Variants in KIF16B observed in about 807,000 individuals in gnomAD.
KIF16B encodes the protein kinesin family member 16B.
Under a neutral mutation model 156.3 loss-of-function variants are expected in KIF16B, and 98 were observed. The observed-to-expected ratio is 0.63, with a 90% CI of 0.53 to 0.74. The LOEUF (loss-of-function observed/expected upper bound fraction) is 0.74. KIF16B is among the 30% of genes least tolerant of loss of function. KIF16B has a pLI of 0.00. For missense variants in KIF16B, 1,421 were observed against 1,606.5 expected (o/e 0.88, Z 1.97); for synonymous variants, 564 against 583.7 (o/e 0.97, Z 0.49).
chr20:16,350,927 G>C (rs2064327574), intron 23 of KIF16B, among the ~76,000 whole-genome samples: 1 of 151,866 alleles, frequency 6.6e-6, no homozygotes, highest in African/African-American at 2.4e-5. Context: ...ACTGACAAGG[G>C]CCCTGGGAGC....
intron 15 of KIF16B, among the ~76,000 whole-genome samples, chr20:16,421,383 C>G (rs1390452676): frequency 6.6e-6 from 1 of 152,104 alleles, no homozygotes; most frequent in Non-Finnish European, 1.5e-5. Flanking sequence ...CCTGATATAA[C>G]CCCCTCCTTC....
chr20:16,367,424 C>T (rs1192202011), intron 22 of KIF16B: 2 of 1,612,806 alleles, frequency 1.2e-6, no homozygotes, highest in Non-Finnish European at 1.7e-6. Flanking sequence ...CATTTGATCA[C>T]ATCAAATTGT....
intron 10 of KIF16B, among the ~76,000 whole-genome samples, chr20:16,500,365 C>T (rs2068583955): frequency 6.6e-6 from 1 of 152,108 alleles, no homozygotes; most frequent in African/African-American, 2.4e-5. Flanking sequence ...TTCAATGAAC[C>T]TCCTTTCCTA....
chr20:16,530,619 C>T (rs4814506), intron 1 of KIF16B, among the ~76,000 whole-genome samples: 51,816 of 152,062 alleles, frequency 0.34, 8,926 homozygotes, highest in Non-Finnish European at 0.34. Flanking sequence ...AGGGGAGAGC[C>T]GGAGTCAGAG....
intron 15 of KIF16B, among the ~76,000 whole-genome samples, chr20:16,408,287 A>G (rs2065836196): frequency 1.3e-5 from 2 of 152,172 alleles, no homozygotes; most frequent in Non-Finnish European, 2.9e-5. Flanking sequence ...ACAGTTTAGG[A>G]GCCCTAGTGG....
chr20:16,389,978 C>T (rs954397020), intron 17 of KIF16B, among the ~76,000 whole-genome samples: 4 of 152,166 alleles, frequency 2.6e-5, no homozygotes, highest in Non-Finnish European at 4.4e-5. Flanking sequence ...AAATCATTGT[C>T]AGGGTATCCC....
intron 18 of KIF16B, among the ~76,000 whole-genome samples, 173 bp downstream of exon 18, chr20:16,381,521 T>C (rs2065094646): frequency 7.5e-6 from 1 of 132,798 alleles, no homozygotes; most frequent in Non-Finnish European, 1.6e-5. Context: ...AGAAAAACCA[T>C]CTACTCCAAA....
At chr20:16,546,295 A>AT (rs2070403326) in intron 1 of KIF16B, among the ~76,000 whole-genome samples, 1 of 152,200 alleles carries the variant, frequency 6.6e-6, no homozygotes, top group East Asian at 1.9e-4. Flanking sequence ...CTGATGTACA[A>AT]TTTTTTGCTG....
At chr20:16,497,747 T>C (rs1421180202) in intron 10 of KIF16B, 69 bp from the exon 11 acceptor site, 5 of 1,158,910 alleles carry the variant, frequency 4.3e-6, no homozygotes, top group East Asian at 4.7e-5. Flanking sequence ...TCCCTGAATA[T>C]AGTAAATTAT....
intron 12 of KIF16B, among the ~76,000 whole-genome samples, chr20:16,484,249 C>T (rs1260588481): frequency 6.6e-5 from 10 of 152,122 alleles, no homozygotes; most frequent in Admixed American, 3.3e-4. Context: ...ATGAGCAGCC[C>T]CTTCAAGATG....
chr20:16,372,124 A>G lies in KIF16B; in HGVS notation c.3351-363T>C, dbSNP rs1201349977. On this transcript the variant is annotated intron_variant, in intron 20 of 25. Transcript: ENST00000354981. ...ATCTGATGCCAAGACAGAATATTTC[A>G]TTCAGAGCCTTGGGTTCCTCATACA... Among the ~76,000 whole-genome samples the G allele has an allele frequency of 3.3e-5, 5 of 152,236 alleles. No homozygotes were observed. In the East Asian group the frequency reaches 9.6e-4, roughly 29 times the overall value.
intron 12 of KIF16B, among the ~76,000 whole-genome samples, chr20:16,475,384 C>T (rs149262434): frequency 6.6e-6 from 1 of 152,328 alleles, no homozygotes; most frequent in Non-Finnish European, 1.5e-5. Context: ...ACCAGCAGAG[C>T]CAGCACTGGA....
chr20:16,509,191 C>A lies in KIF16B; in HGVS notation c.557-1091G>T, dbSNP rs141672766. 2.4e-3 allele frequency among the ~76,000 whole-genome samples: 363 copies of A among 152,262 alleles called. 5 individuals carry two copies. Among genetic ancestry groups the A allele is most frequent in the African/African-American group, 8.2e-3 (340 of 41,540 alleles). ...GTTTCCTCATTCATTTTTAAGGCTG[C>A]AGGGGATTGGATCATATGCATGTAC... On this transcript the variant is annotated intron_variant, in intron 6 of 25. Transcript: ENST00000354981.
intron 12 of KIF16B, among the ~76,000 whole-genome samples, chr20:16,450,039 C>T (rs551194375): frequency 1.1e-4 from 16 of 152,278 alleles, no homozygotes; most frequent in Admixed American, 1.0e-3. Flanking sequence ...AATTAATATA[C>T]TATGGACAGG....
At chr20:16,512,411 CA>C (rs2147060809) in intron 5 of KIF16B, among the ~76,000 whole-genome samples, 1 of 152,240 alleles carries the variant, frequency 6.6e-6, no homozygotes, top group Admixed American at 6.5e-5. Context: ...GGTTTAATTT[CA>C]AGGAGGAAAA....
At chr20:16,534,798 C>A (rs778101491) in intron 1 of KIF16B, among the ~76,000 whole-genome samples, 3 of 152,082 alleles carry the variant, frequency 2.0e-5, no homozygotes, top group Non-Finnish European at 4.4e-5. Context: ...TGTCAAAGAT[C>A]AGTTGAAAAT....
intron 1 of KIF16B, among the ~76,000 whole-genome samples, chr20:16,545,475 G>C (rs1004792688): frequency 6.6e-6 from 1 of 152,074 alleles, no homozygotes; most frequent in Non-Finnish European, 1.5e-5. Context: ...GACCAGCCTG[G>C]CCAACATAGT....
chr20:16,371,151 A>C (rs1028938310), intron 21 of KIF16B, among the ~76,000 whole-genome samples: 21 of 152,354 alleles, frequency 1.4e-4, no homozygotes, highest in African/African-American at 4.6e-4. Context: ...TGAATTCCTG[A>C]ATTAATACTA....
chr20:16,369,704 G>C (rs1349420761), intron 22 of KIF16B, among the ~76,000 whole-genome samples: 1 of 152,192 alleles, frequency 6.6e-6, no homozygotes, highest in African/African-American at 2.4e-5. Context: ...ATGCCCAAGT[G>C]TTCTAACCCA....
Sources: allele counts gnomAD v4.1 joint callset (sites outside exome capture counted in the v4.1 genomes callset), GRCh38; gene constraint gnomAD v4.1.1; transcripts MANE v1.5; gene names NCBI Gene and HGNC (gene_info 2026-07-23, HGNC 2026-07-21).